The following CSK variants were observed in gnomAD, a reference collection of about 807,000 sequenced individuals.
CSK encodes the protein tyrosine-protein kinase CSK.
In CSK, 7 loss-of-function variants were observed where a neutral mutation model predicts 62.3. The ratio of observed to expected loss-of-function variants is 0.11; its 90% confidence interval spans 0.06 to 0.21. The LOEUF is 0.21. Ranked by LOEUF, CSK falls within the 10% of genes least tolerant of loss-of-function variation. The probability of loss-of-function intolerance (pLI) is 1.00; values close to 1 mark genes in which losing one functional copy is unlikely to be tolerated. For synonymous variants in CSK, 237 were observed against 246.0 expected, an observed-to-expected ratio of 0.96 and a Z score of 0.34; for missense variants, 294 against 613.5, an observed-to-expected ratio of 0.48 and a Z score of 5.50.
At chr15:74,801,244 C>T in intron 9 of CSK, 142 bp downstream of exon 9, 1 of 886,564 alleles carries the variant, frequency 1.1e-6, no homozygotes, top group Non-Finnish European at 1.8e-6. Context: ...CCTGGTTTAC[C>T]ATTCATTGAC....
At position 74,782,189 on chromosome 15, in the gene CSK, C is replaced by T. The variant is rs945671501; in HGVS notation, c.-597C>T. 2.7e-5 allele frequency: 4 copies of T among 149,290 alleles called. No individual in the cohort carries two copies. Among genetic ancestry groups the T allele is most frequent in the Non-Finnish European group, 4.5e-5 (3 of 66,684 alleles). The allele number at this position is 149,290 out of a possible 1,614,324, so 9.2% of individuals were successfully genotyped here. On this transcript the variant is annotated 5_prime_UTR_variant, in exon 1 of 13. Transcript: ENST00000220003. The surrounding 1 kb of genome is among the most constrained non-coding windows in gnomAD (Gnocchi z 5.7). ...CGCCGAGCCCGCTGCCGCCCTCCCG[C>T]TCCTGCCCCACCCGCGCCTTGCCCG...
chr15:74,799,455 G>A lies in CSK; in HGVS notation c.426G>A (p.Glu142=). 1 of 1,613,418 alleles carries A rather than the reference G, an allele frequency of 6.2e-7. No individual in the cohort carries two copies. The highest frequency in any genetic ancestry group is 8.5e-7 in the Non-Finnish European group (1 of 1,180,006). ...ATGCCAGCAAGCTCAGCATCGACGA[G>A]GAGGTGTACTTTGAGAACCTCATGC... ...MYHASKLSID[E]EVYFENLMQL... Residue 142 remains glutamate (E), a synonymous_variant, in exon 5 of 13, where the codon GAG becomes GAA. Transcript: ENST00000220003.
chr15:74,797,766 GTA>G, intron 1 of CSK: 1 of 152,714 alleles, frequency 6.5e-6, no homozygotes. Flanking sequence ...CTCTCGGTGT[GTA>G]CCTAGAAGTG....
At position 74,802,659 on chromosome 15, in the gene CSK, C is replaced by T. The variant is rs1456126706; in HGVS notation, c.*146C>T. ...TCCTGCGTCCCAGCCTGCACCCCTCCGGCCCCGTCTCTCTTGGACCCACCT... is the reference window on the plus strand; with the variant it reads ...TCCTGCGTCCCAGCCTGCACCCCTCTGGCCCCGTCTCTCTTGGACCCACCT... On this transcript the variant is annotated 3_prime_UTR_variant, in exon 13 of 13. Coordinates refer to ENST00000220003, the MANE Select transcript of CSK (RefSeq NM_004383.3). The T allele has an allele frequency of 9.0e-6, 9 of 1,001,476 alleles. No individual in the cohort carries two copies. The highest frequency in any genetic ancestry group is 8.5e-5 in the East Asian group (3 of 35,424). 62.0% of individuals were successfully genotyped at this position (1,001,476 alleles called of 1,614,324 possible).
At chr15:74,786,013 T>TCTTTTTTCTTTTTTTTTTG in intron 1 of CSK, among the ~76,000 whole-genome samples, 1 of 47,816 alleles carries the variant, frequency 2.1e-5, no homozygotes, top group Non-Finnish European at 5.5e-5. Context: ...TTTTTTTTTT[T>TCTTTTTTCTTTTTTTTTTG]TGTGTGTGTG....
chr15:74,784,795 G>A (rs939059318), intron 1 of CSK, among the ~76,000 whole-genome samples: 8 of 152,218 alleles, frequency 5.3e-5, no homozygotes, highest in African/African-American at 1.9e-4. Flanking sequence ...CCTGGGTGCG[G>A]TTCTGGGCTC....
chr15:74,784,718 T>A (rs1446642864), intron 1 of CSK, among the ~76,000 whole-genome samples: 1 of 151,892 alleles, frequency 6.6e-6, no homozygotes, highest in Non-Finnish European at 1.5e-5. Flanking sequence ...TCCAAACAAG[T>A]ATAGGTAGGG....
chr15:74,801,013 C>A lies in CSK; in HGVS notation c.724C>A (p.Gln242Lys), dbSNP rs1484195423. ...CTGACCACTCTCGTCCTGCCCCAGG[C>A]AACTGCGGCATAGCAACCTGGTGCA... ...AFLAEASVMT[Q>K]LRHSNLVQLL... is the part of the protein sequence containing the mutation. Residue 242 changes from glutamine (Q) to lysine (K), a missense_variant and splice_region_variant, in exon 9 of 13, where the codon CAA becomes AAA. Coordinates refer to ENST00000220003, the MANE Select transcript of CSK (RefSeq NM_004383.3). 6.2e-7 allele frequency: 1 copy of A among 1,613,282 alleles called. No homozygotes were observed. Among genetic ancestry groups the A allele is most frequent in the South Asian group, 1.1e-5 (1 of 91,084 alleles).
At chr15:74,800,635 C>T (rs1229329871) in intron 6 of CSK, 46 bp from the exon 7 acceptor site, 4 of 1,537,302 alleles carry the variant, frequency 2.6e-6, no homozygotes, top group Non-Finnish European at 3.5e-6. Context: ...GTCATCCCAG[C>T]CATGTCCCTA....
At chr15:74,793,015 C>T (rs2063647496) in intron 1 of CSK, 1 of 152,232 alleles carries the variant, frequency 6.6e-6, no homozygotes, top group African/African-American at 2.4e-5. Flanking sequence ...TGGATTCCCC[C>T]TTTTGTTTGT....
At chr15:74,784,521 T>A (rs1382866133) in intron 1 of CSK, among the ~76,000 whole-genome samples, 1 of 152,004 alleles carries the variant, frequency 6.6e-6, no homozygotes, top group African/African-American at 2.4e-5. Flanking sequence ...GTGCTTTTCA[T>A]TGGTGAGCTT....
chr15:74,800,546 C>T, intron 6 of CSK, 41 bp downstream of exon 6: 3 of 1,591,380 alleles, frequency 1.9e-6, no homozygotes, highest in Non-Finnish European at 2.6e-6. Flanking sequence ...CACCCACCTC[C>T]TCCCACGCAG....
intron 1 of CSK, among the ~76,000 whole-genome samples, chr15:74,786,002 C>CTCTTTTT (rs397829139): frequency 1.4e-5 from 1 of 73,620 alleles, no homozygotes; most frequent in African/African-American, 6.3e-5. Flanking sequence ...CTCTCTCTCT[C>CTCTTTTT]TTTTTTTTTT....
At position 74,798,172 on chromosome 15, in the gene CSK, T is replaced by C; in HGVS notation, c.-65-61T>C. 1 of 1,042,490 alleles carries C rather than the reference T, an allele frequency of 9.6e-7. No homozygotes were observed. Among genetic ancestry groups the C allele is most frequent in the South Asian group, 1.7e-5 (1 of 59,610 alleles). The allele number at this position is 1,042,490 out of a possible 1,614,324, so 64.6% of individuals were successfully genotyped here. A position where few individuals can be genotyped will look rare whatever the true frequency, so the allele number is the denominator to read the frequency against. ...TGTTCATGCCCAGTGAGGAGCCAGA[T>C]CTCAGCAGTTGGGGGGCATTTCTTC... On this transcript the variant is annotated intron_variant, in intron 1 of 12. Coordinates refer to ENST00000220003, the MANE Select transcript of CSK (RefSeq NM_004383.3). The surrounding 1 kb of genome is among the most constrained non-coding windows in gnomAD (Gnocchi z 6.6).
chr15:74,793,576 G>T (rs2063658338), intron 1 of CSK, among the ~76,000 whole-genome samples: 1 of 152,194 alleles, frequency 6.6e-6, no homozygotes, highest in Non-Finnish European at 1.5e-5. Context: ...CCTTGCCCCT[G>T]TGGGCCTCAC....
chr15:74,787,576 G>C (rs1209997423), intron 1 of CSK, among the ~76,000 whole-genome samples: 1 of 151,982 alleles, frequency 6.6e-6, no homozygotes, highest in African/African-American at 2.4e-5. Flanking sequence ...CTTTCTGCCT[G>C]CTCAGTTTCT....
In CSK at chr15:74,782,440, C is replaced by G. The variant is rs1330329438; in HGVS notation, c.-346C>G. 6.6e-6 allele frequency: 1 copy of G among 151,710 alleles called. No homozygotes were observed. Among genetic ancestry groups the G allele is most frequent in the Non-Finnish European group, 1.5e-5 (1 of 67,774 alleles). 9.4% of individuals were successfully genotyped at this position (151,710 alleles called of 1,614,324 possible). A position where few individuals can be genotyped will look rare whatever the true frequency, so the allele number is the denominator to read the frequency against. Reference sequence around the variant, plus strand: ...GAACCTCAGTGGCGGCGCTCGGAAGCGGAACTCTGCCGGGGCCGCGCCGGC... The same window carrying G: ...GAACCTCAGTGGCGGCGCTCGGAAGGGGAACTCTGCCGGGGCCGCGCCGGC... On this transcript the variant is annotated 5_prime_UTR_variant, in exon 1 of 13. Transcript: ENST00000220003. The surrounding 1 kb of genome is among the most constrained non-coding windows in gnomAD (Gnocchi z 5.7).
At chr15:74,785,538 T>A (rs1044451919) in intron 1 of CSK, among the ~76,000 whole-genome samples, 1 of 152,160 alleles carries the variant, frequency 6.6e-6, no homozygotes, top group Non-Finnish European at 1.5e-5. Context: ...CTCGTTGATA[T>A]AAATAACAGG....
In CSK at chr15:74,799,504, G is replaced by T. The variant is rs779097494; in HGVS notation, c.462+13G>T. 1.9e-6 allele frequency: 3 copies of T among 1,609,684 alleles called. No homozygotes were observed. Among genetic ancestry groups the T allele is most frequent in the Non-Finnish European group, 2.5e-6 (3 of 1,178,362 alleles). ...GCAGCTGGTGGAGGTGAGCTGGGGG[G>T]TACAGAGCCTTGCTCCCACCCTCAC... On this transcript the variant is annotated intron_variant, in intron 5 of 12. Coordinates refer to ENST00000220003, the MANE Select transcript of CSK (RefSeq NM_004383.3).
Sources: allele counts gnomAD v4.1 joint callset (sites outside exome capture counted in the v4.1 genomes callset), GRCh38; gene constraint gnomAD v4.1.1; non-coding constraint Gnocchi (gnomAD v3.1); transcripts MANE v1.5; gene names NCBI Gene and HGNC (gene_info 2026-07-23, HGNC 2026-07-21).